Variants in RAB38 observed in about 807,000 individuals in gnomAD.
The protein encoded by RAB38 is RAB38, member RAS oncogene family, also known as ras-related protein Rab-38.
A neutral mutation model predicts 18.4 loss-of-function variants in RAB38; 15 were observed. That is an observed-to-expected ratio of 0.82 (90% CI 0.55 to 1.26). RAB38 has a LOEUF of 1.26. Among genes scored for constraint, RAB38 ranks in the 50% most tolerant of loss-of-function variants. The pLI is 0.00. For synonymous variants in RAB38, 101 were observed against 104.4 expected (o/e 0.97, Z 0.20); for missense variants, 294 against 267.4 (o/e 1.10, Z -0.69).
chr11:88,126,101 C>G lies in RAB38; in HGVS notation c.484-11961G>C, dbSNP rs536087824. Among the ~76,000 whole-genome samples the G allele has an allele frequency of 2.6e-5, 4 of 152,336 alleles. No individual in the cohort carries two copies. The South Asian group carries it at 8.3e-4, about 32-fold the overall frequency. On this transcript the variant is annotated intron_variant, in intron 2 of 2. Transcript: ENST00000243662. ...TCTCTGTTTTGGTACTCATACCATG[C>G]TGTTTTGGTTACTGTAGCCTTGTAG...
chr11:87,905,276 T>C, the RAB38 span, among the ~76,000 whole-genome samples: 1 of 151,766 alleles, frequency 6.6e-6, no homozygotes, highest in Non-Finnish European at 1.5e-5. Context: ...GTTCATTTAG[T>C]CCTTTTAAGT....
chr11:87,942,178 G>T, the RAB38 span, among the ~76,000 whole-genome samples: 1 of 152,120 alleles, frequency 6.6e-6, no homozygotes, highest in Non-Finnish European at 1.5e-5. Flanking sequence ...TCACATTATT[G>T]AATGCTTCTC....
At chr11:87,976,647 T>A in the RAB38 span, among the ~76,000 whole-genome samples, 3 of 107,554 alleles carry the variant, frequency 2.8e-5, no homozygotes, top group African/African-American at 1.1e-4. Flanking sequence ...TTTTATATGA[T>A]ATATAAATAT....
chr11:87,925,873 CA>C, the RAB38 span, among the ~76,000 whole-genome samples: 4,362 of 151,856 alleles, frequency 0.029, 136 homozygotes, highest in East Asian at 0.16. Context: ...AAGGGTTTTC[CA>C]CATTGATTTT....
the RAB38 span, among the ~76,000 whole-genome samples, chr11:87,956,084 AAAT>A: frequency 7.0e-6 from 1 of 143,068 alleles, no homozygotes; most frequent in African/African-American, 2.7e-5. Flanking sequence ...TGAGCTAATA[AAAT>A]AATTTTTAAA....
At chr11:88,068,144 G>T in the RAB38 span, among the ~76,000 whole-genome samples, 1 of 151,870 alleles carries the variant, frequency 6.6e-6, no homozygotes, top group East Asian at 1.9e-4. Flanking sequence ...TAAAAGATGT[G>T]ATGAAGGACT....
the RAB38 span, among the ~76,000 whole-genome samples, chr11:87,961,280 G>T: frequency 6.6e-6 from 1 of 152,072 alleles, no homozygotes; most frequent in African/African-American, 2.4e-5. Flanking sequence ...AGTGCCTAAG[G>T]ACTAACCTCA....
the RAB38 span, among the ~76,000 whole-genome samples, chr11:88,105,438 C>T: frequency 2.0e-5 from 3 of 152,142 alleles, no homozygotes; most frequent in Non-Finnish European, 4.4e-5. Flanking sequence ...TCAATGCAAT[C>T]TGTTCTGAAC....
intron 2 of RAB38, among the ~76,000 whole-genome samples, chr11:88,117,255 G>A (rs1032765950): frequency 6.6e-6 from 1 of 152,146 alleles, no homozygotes; most frequent in Non-Finnish European, 1.5e-5. Flanking sequence ...ATATACAGAT[G>A]ATACATCTCA....
intron 2 of RAB38, among the ~76,000 whole-genome samples, chr11:88,136,736 T>C (rs763398968): frequency 1.3e-5 from 2 of 152,076 alleles, no homozygotes; most frequent in African/African-American, 2.4e-5. Flanking sequence ...TAGAGGGAGA[T>C]ATGGAAAATA....
the RAB38 span, among the ~76,000 whole-genome samples, chr11:88,100,490 T>C: frequency 6.6e-6 from 1 of 151,998 alleles, no homozygotes; most frequent in African/African-American, 2.4e-5. Flanking sequence ...TGGTATTTCA[T>C]ATTTTATATT....
At chr11:87,963,953 T>G in the RAB38 span, among the ~76,000 whole-genome samples, 1 of 152,138 alleles carries the variant, frequency 6.6e-6, no homozygotes, top group African/African-American at 2.4e-5. Flanking sequence ...AAAGGTGATC[T>G]GATGGAATAA....
the RAB38 span, among the ~76,000 whole-genome samples, chr11:88,084,678 G>GCT: frequency 6.6e-6 from 1 of 151,546 alleles, no homozygotes; most frequent in African/African-American, 2.4e-5. Context: ...TCATATAACA[G>GCT]CTCTCTCTCT....
the RAB38 span, among the ~76,000 whole-genome samples, chr11:88,032,173 C>T: frequency 2.0e-5 from 3 of 151,866 alleles, no homozygotes; most frequent in Non-Finnish European, 4.4e-5. Flanking sequence ...AACTGGCTAG[C>T]CATATGTAGA....
the RAB38 span, among the ~76,000 whole-genome samples, chr11:87,843,267 C>T: frequency 1.3e-5 from 2 of 152,214 alleles, no homozygotes; most frequent in Admixed American, 6.5e-5. Context: ...ACAGCCACAG[C>T]CTGCCACTTT....
the RAB38 span, among the ~76,000 whole-genome samples, chr11:87,878,352 G>C: frequency 7.0e-6 from 1 of 142,222 alleles, no homozygotes; most frequent in Non-Finnish European, 1.6e-5. Context: ...TCTATCATCT[G>C]TCTATCTATC....
the RAB38 span, among the ~76,000 whole-genome samples, chr11:87,972,848 G>C: frequency 2.0e-5 from 3 of 152,046 alleles, no homozygotes; most frequent in Admixed American, 1.3e-4. Flanking sequence ...GTAGTCCCCA[G>C]TGTTGGAGGA....
the RAB38 span, among the ~76,000 whole-genome samples, chr11:88,076,992 A>AG: frequency 9.6e-6 from 1 of 103,930 alleles, no homozygotes; most frequent in Non-Finnish European, 2.1e-5. Context: ...AAGAAAGAAA[A>AG]GAAAAGAAAA....
chr11:88,093,283 T>G, the RAB38 span, among the ~76,000 whole-genome samples: 1 of 151,876 alleles, frequency 6.6e-6, no homozygotes, highest in South Asian at 2.1e-4. Context: ...CAATAAACAT[T>G]ATATTTTGAT....
Sources: gnomAD v4.1 joint callset for allele counts (sites outside exome capture counted in the v4.1 genomes callset) on GRCh38, gnomAD v4.1.1 for gene constraint, MANE v1.5 for transcripts, NCBI Gene and HGNC (gene_info 2026-07-23, HGNC 2026-07-21) for gene names.